Variants in PAXBP1 observed in about 807,000 individuals in gnomAD.
PAXBP1 encodes the protein PAX3- and PAX7-binding protein 1.
In PAXBP1, 44 loss-of-function variants were observed where a neutral mutation model predicts 119.9. The observed-to-expected ratio is 0.37, with a 90% CI of 0.29 to 0.47. The LOEUF (loss-of-function observed/expected upper bound fraction) is 0.47. Ranked by LOEUF, PAXBP1 falls within the 20% of genes least tolerant of loss-of-function variation. The probability of loss-of-function intolerance (pLI) is 0.99; values close to 1 mark genes in which losing one functional copy is unlikely to be tolerated. For synonymous variants in PAXBP1, 393 were observed against 406.6 expected (o/e 0.97, Z 0.40); for missense variants, 898 against 1,134.1 (o/e 0.79, Z 2.99).
intron 11 of PAXBP1, among the ~76,000 whole-genome samples, chr21:32,747,341 A>G (rs899601233): frequency 1.3e-5 from 2 of 152,208 alleles, no homozygotes; most frequent in African/African-American, 2.4e-5. Flanking sequence ...CTAGTTCAGG[A>G]CAGCAGAGCA....
chr21:32,749,188 C>T (rs139058829), intron 10 of PAXBP1, among the ~76,000 whole-genome samples: 323 of 151,696 alleles, frequency 2.1e-3, no homozygotes, highest in African/African-American at 7.5e-3. Flanking sequence ...AAGTTATTTG[C>T]GAATAAGATT....
At chr21:32,737,457 A>G in intron 16 of PAXBP1, 49 bp from the exon 17 acceptor site, 2 of 1,491,970 alleles carry the variant, frequency 1.3e-6, no homozygotes, top group Non-Finnish European at 9.1e-7. Context: ...AGAATAAATT[A>G]AAGTATTAAA....
intron 8 of PAXBP1, among the ~76,000 whole-genome samples, chr21:32,754,108 C>T (rs992063022): frequency 3.3e-5 from 5 of 152,042 alleles, no homozygotes; most frequent in Non-Finnish European, 7.4e-5. Flanking sequence ...CTATGAGGGC[C>T]GTATTACCAT....
At chr21:32,744,099 T>G (rs898933601) in intron 13 of PAXBP1, among the ~76,000 whole-genome samples, 1 of 152,034 alleles carries the variant, frequency 6.6e-6, no homozygotes, top group Non-Finnish European at 1.5e-5. Context: ...CTGAAGAGCA[T>G]TAACTTTAAG....
intron 2 of PAXBP1, among the ~76,000 whole-genome samples, chr21:32,769,391 C>A (rs545435391): frequency 2.9e-4 from 44 of 151,930 alleles, no homozygotes; most frequent in Non-Finnish European, 5.9e-4. Flanking sequence ...TTAGGGCATT[C>A]CTAAAAGTTC....
chr21:32,738,493 T>C (rs566493155), intron 15 of PAXBP1, among the ~76,000 whole-genome samples, 174 bp from the exon 16 acceptor site: 7 of 152,354 alleles, frequency 4.6e-5, no homozygotes, highest in Admixed American at 4.6e-4. Context: ...CATTTGAATA[T>C]TCAATTTTAA....
chr21:32,764,324 T>C (rs1204236005), intron 3 of PAXBP1, 24 bp downstream of exon 3: 1 of 1,610,110 alleles, frequency 6.2e-7, no homozygotes, highest in Non-Finnish European at 8.5e-7. Flanking sequence ...AGTTTAGTTC[T>C]GAGAAATACT....
intron 4 of PAXBP1, among the ~76,000 whole-genome samples, 182 bp downstream of exon 4, chr21:32,761,911 ACCT>A (rs2044154494): frequency 6.6e-6 from 1 of 152,128 alleles, no homozygotes; most frequent in Non-Finnish European, 1.5e-5. Flanking sequence ...GGTGACGCAC[ACCT>A]GTAGTCCCAG....
chr21:32,761,041 T>G lies in PAXBP1; in HGVS notation c.975+18A>C. The stretch of plus-strand genomic sequence containing the variant: ...TTTTAATCTACTTTTAATTTTTAGT[T>G]TAATTCTTTTGTCGTACCTGAGGGA... On this transcript the variant is annotated intron_variant, in intron 5 of 17. Coordinates refer to ENST00000331923, the MANE Select transcript of PAXBP1 (RefSeq NM_016631.4). The G allele has an allele frequency of 6.3e-7, 1 of 1,575,434 alleles. No individual in the cohort carries two copies. The highest frequency in any genetic ancestry group is 8.6e-7 in the Non-Finnish European group (1 of 1,163,130).
chr21:32,750,897 T>C lies in PAXBP1; in HGVS notation c.1723+20A>G. 6.4e-7 allele frequency: 1 copy of C among 1,571,328 alleles called. No individual in the cohort carries two copies. The highest frequency in any genetic ancestry group is 8.7e-7 in the Non-Finnish European group (1 of 1,146,920). On this transcript the variant is annotated intron_variant, in intron 10 of 17. Coordinates refer to ENST00000331923, the MANE Select transcript of PAXBP1 (RefSeq NM_016631.4). ...GAAACTAAACTGATGATGAGTCTTA[T>C]TTCCAAATAAATGTCTAACCTTTTT...
intron 15 of PAXBP1, among the ~76,000 whole-genome samples, chr21:32,740,554 T>G (rs1161380422): frequency 6.6e-6 from 1 of 152,188 alleles, no homozygotes; most frequent in African/African-American, 2.4e-5. Context: ...CTGGAACAAG[T>G]AAACCTTAAT....
At position 32,771,458 on chromosome 21, in the gene PAXBP1, G is replaced by C; in HGVS notation, c.211C>G (p.Leu71Val). The C allele has an allele frequency of 7.1e-7, 1 of 1,411,480 alleles. No homozygotes were observed. The highest frequency in any genetic ancestry group is 9.2e-7 in the Non-Finnish European group (1 of 1,090,338). 87.4% of individuals were successfully genotyped at this position (1,411,480 alleles called of 1,614,324 possible). A position where few individuals can be genotyped will look rare whatever the true frequency, so the allele number is the denominator to read the frequency against. Residue 71 changes from leucine to valine, a missense_variant, in exon 1 of 18, where the codon CTC becomes GTC. Around this residue, in one of 2 missense-constraint regions of PAXBP1, gnomAD observed 299 missense variants for 281.4 expected, o/e 1.06. Transcript: ENST00000331923. ...AAGCCGCCCCCGGCCTCAGCCCCGA[G>C]GCCCGGGGTCAGCGCGGAAGGCGGC... ...PSPPSALTPG[L>V]GAEAGGGFPG...
At chr21:32,770,940 G>A (rs943592381) in intron 1 of PAXBP1, among the ~76,000 whole-genome samples, 1 of 152,204 alleles carries the variant, frequency 6.6e-6, no homozygotes, top group Admixed American at 6.5e-5. Context: ...GAGCATCCAA[G>A]AAGTGTGGGC....
chr21:32,742,817 G>T, intron 15 of PAXBP1: 1 of 323,410 alleles, frequency 3.1e-6, no homozygotes, highest in Non-Finnish European at 6.1e-6. Context: ...ATTAGTTATT[G>T]TTAATCTCTT....
intron 13 of PAXBP1, among the ~76,000 whole-genome samples, chr21:32,744,379 T>C (rs1044229347): frequency 1.3e-5 from 2 of 152,014 alleles, no homozygotes; most frequent in Admixed American, 1.3e-4. Flanking sequence ...CTGGGCCACA[T>C]GTCCATGGGC....
chr21:32,747,908 C>G (rs1428989955), intron 11 of PAXBP1, among the ~76,000 whole-genome samples: 1 of 151,856 alleles, frequency 6.6e-6, no homozygotes, highest in Non-Finnish European at 1.5e-5. Flanking sequence ...CCTCAGCCCC[C>G]GAAGTAGCTA....
chr21:32,736,192 TTTG>T (rs1369955998), intron 17 of PAXBP1, among the ~76,000 whole-genome samples: 5 of 152,216 alleles, frequency 3.3e-5, no homozygotes, highest in South Asian at 2.1e-4. Flanking sequence ...TAAAATCTTT[TTTG>T]TTGTTGTTTT....
In PAXBP1 at chr21:32,769,937, C is replaced by A; in HGVS notation, c.349G>T (p.Glu117Ter). Residue 117 changes from glutamate (E) to a stop codon, truncating the protein, a stop_gained, in exon 2 of 18, where the codon GAA becomes TAA. Transcript: ENST00000331923. LOFTEE classifies it high-confidence loss of function. ...GATTTCTTCACTTTGAAAACTTCTTCATTTTCTTAAAAAGGAAATTAAATG... is the reference window on the plus strand; with the variant it reads ...GATTTCTTCACTTTGAAAACTTCTTAATTTTCTTAAAAAGGAAATTAAATG... ...LSFQDEEEEN[E>*]EVFKVKKSSY... 6.5e-7 allele frequency: 1 copy of A among 1,526,896 alleles called. No individual in the cohort carries two copies. Among genetic ancestry groups the A allele is most frequent in the South Asian group, 1.2e-5 (1 of 82,436 alleles). The allele number at this position is 1,526,896 out of a possible 1,614,324, so 94.6% of individuals were successfully genotyped here.
intron 1 of PAXBP1, 83 bp downstream of exon 1, chr21:32,771,243 G>A: frequency 7.9e-7 from 1 of 1,264,306 alleles, no homozygotes; most frequent in Non-Finnish European, 1.0e-6. Context: ...CCGGGGCTGG[G>A]CGTCCAGAGA....
Sources: allele counts gnomAD v4.1 joint callset (sites outside exome capture counted in the v4.1 genomes callset), GRCh38; gene constraint gnomAD v4.1.1; regional missense constraint gnomAD v4.1.1; transcripts MANE v1.5; gene names NCBI Gene and HGNC (gene_info 2026-07-23, HGNC 2026-07-21).